SCYL2: variants seen among roughly 807,000 people sequenced by gnomAD.
The protein encoded by SCYL2 is SCY1 like pseudokinase 2, also known as SCY1-like protein 2.
SCYL2 carries 36 observed loss-of-function variants against 100.4 expected under a neutral mutation model. The ratio of observed to expected loss-of-function variants is 0.36; its 90% CI spans 0.27 to 0.47. The LOEUF is 0.47. Among genes scored for constraint, SCYL2 ranks in the 20% least tolerant of loss-of-function variants. The pLI, the probability that SCYL2 is intolerant of heterozygous loss-of-function variation, is 1.00. For synonymous variants in SCYL2, 330 were observed against 359.2 expected (o/e 0.92, Z 0.92); for missense variants, 902 against 1,083.9 (o/e 0.83, Z 2.36).
chr12:100,314,880 A>C (rs1049069626), intron 8 of SCYL2, among the ~76,000 whole-genome samples: 27 of 152,288 alleles, frequency 1.8e-4, no homozygotes, highest in African/African-American at 6.5e-4. Context: ...TCCATAAGCT[A>C]TCATGTGGAG....
intron 1 of SCYL2, among the ~76,000 whole-genome samples, chr12:100,278,453 A>G (rs902415280): frequency 6.6e-6 from 1 of 151,794 alleles, no homozygotes; most frequent in African/African-American, 2.4e-5. Context: ...TCCCATCTCT[A>G]ATAGTTTTTA....
At chr12:100,312,709 AT>A in intron 6 of SCYL2, 56 bp downstream of exon 6, 1 of 1,293,134 alleles carries the variant, frequency 7.7e-7, no homozygotes, top group Non-Finnish European at 1.1e-6. Flanking sequence ...TGTGTCTTTG[AT>A]TTTTTTCCAA....
intron 5 of SCYL2, 24 bp downstream of exon 5, chr12:100,311,217 A>G (rs191474374): frequency 9.5e-6 from 15 of 1,573,374 alleles, no homozygotes; most frequent in Non-Finnish European, 1.3e-5. Flanking sequence ...TAGTCTTCTA[A>G]TTTTTGAGGC....
rs1244414256 is a variant in SCYL2 at position 100,309,850 on chromosome 12, T to C, written c.481-1194T>C. Among the ~76,000 whole-genome samples the C allele has an allele frequency of 1.3e-5, 2 of 152,214 alleles. 1 individual carries two copies. Among genetic ancestry groups the C allele is most frequent in the South Asian group, 4.1e-4 (2 of 4,832 alleles). ...CTATTTTTGGGGGGAACAATTATAC[T>C]GTTTTACATAGCACCTATATTCCCA... On this transcript the variant is annotated intron_variant, in intron 4 of 17. Coordinates refer to ENST00000360820, the MANE Select transcript of SCYL2 (RefSeq NM_017988.6).
chr12:100,283,230 A>C, intron 2 of SCYL2, 83 bp downstream of exon 2: 1 of 1,248,488 alleles, frequency 8.0e-7, no homozygotes, highest in Non-Finnish European at 1.1e-6. Flanking sequence ...TATGTTAAGA[A>C]ATGCCAAAAG....
intron 10 of SCYL2, 131 bp downstream of exon 10, chr12:100,318,056 C>A: frequency 1.3e-6 from 1 of 790,280 alleles, no homozygotes; most frequent in Non-Finnish European, 1.9e-6. Context: ...TCTTTTGAAT[C>A]ACATTATTGA....
chr12:100,306,731 G>A (rs956481030), intron 4 of SCYL2, among the ~76,000 whole-genome samples: 2 of 152,082 alleles, frequency 1.3e-5, no homozygotes, highest in Non-Finnish European at 1.5e-5. Context: ...ATGACATGAT[G>A]GTATATTTAG....
chr12:100,283,024 T>C lies in SCYL2; in HGVS notation c.54T>C (p.Asp18=). ...LKSTVTKVTA[D]VTSAVMGNPV... is the part of the protein sequence containing the mutation. ...GTACTGTTACAAAAGTAACAGCTGA[T>C]GTCACTAGTGCTGTAATGGGAAATC... The change falls in exon 2 of 18, where the codon GAT becomes GAC. Residue 18 remains aspartate (D), a synonymous_variant. Transcript: ENST00000360820. 6.2e-7 allele frequency: 1 copy of C among 1,611,862 alleles called. No homozygotes were observed. The highest frequency in any genetic ancestry group is 8.5e-7 in the Non-Finnish European group (1 of 1,178,364).
At chr12:100,269,382 C>A (rs961963446) in intron 1 of SCYL2, among the ~76,000 whole-genome samples, 2 of 152,126 alleles carry the variant, frequency 1.3e-5, no homozygotes, top group Admixed American at 1.3e-4. Context: ...GGAAGACTTT[C>A]CTGATTAGAA....
At chr12:100,305,194 A>C (rs1481968964) in intron 4 of SCYL2, among the ~76,000 whole-genome samples, 3 of 152,224 alleles carry the variant, frequency 2.0e-5, no homozygotes, top group Non-Finnish European at 4.4e-5. Context: ...AAATCAACAG[A>C]ATATACATTC....
Position 100,339,384 on chromosome 12 carries a change from A to T in SCYL2, c.*212A>T, listed in dbSNP as rs916920305. ...CATTGAGGATTTTTTCCTCTTACCAACTCCTCTTCAGGTTTTTAAAGACCC... is the reference window on the plus strand; with the variant it reads ...CATTGAGGATTTTTTCCTCTTACCATCTCCTCTTCAGGTTTTTAAAGACCC... On this transcript the variant is annotated 3_prime_UTR_variant, in exon 18 of 18. Coordinates refer to ENST00000360820, the MANE Select transcript of SCYL2 (RefSeq NM_017988.6). The T allele has an allele frequency of 3.1e-5, 15 of 489,382 alleles. No individual in the cohort carries two copies. The highest frequency in any genetic ancestry group is 5.3e-5 in the Non-Finnish European group (15 of 282,434). The allele number at this position is 489,382 out of a possible 1,614,324, so 30.3% of individuals were successfully genotyped here. A position where few individuals can be genotyped will look rare whatever the true frequency, so the allele number is the denominator to read the frequency against.
At position 100,315,670 on chromosome 12, in the gene SCYL2, A is replaced by C. The variant is rs769158648; in HGVS notation, c.1208A>C (p.Glu403Ala). 2 of 1,612,584 alleles carry C rather than the reference A, an allele frequency of 1.2e-6. No homozygotes were observed. Among genetic ancestry groups the C allele is most frequent in the Non-Finnish European group, 1.7e-6 (2 of 1,179,114 alleles). ...VLLIAEECTK[E>A]EYVKLILPEL... ...CTTATTGCTGAGGAATGCACCAAAGAAGAATATGTCAAATTAATTCTTCCT... is the reference window on the plus strand; with the variant it reads ...CTTATTGCTGAGGAATGCACCAAAGCAGAATATGTCAAATTAATTCTTCCT... Residue 403 changes from glutamate to alanine, a missense_variant, in exon 9 of 18, where the codon GAA (glutamate) becomes GCA (alanine). Transcript: ENST00000360820.
rs191857878 is a variant in SCYL2 at position 100,290,326 on chromosome 12, C to T, written c.178-1177C>T. ...CCTTATTCACAAATGCTTGGGGGGA[C>T]GTTGTGTTTTAATTGAGTTACAGTG... is the stretch of plus-strand genomic sequence containing the variant. On this transcript the variant is annotated intron_variant, in intron 2 of 17. Transcript: ENST00000360820. 7.3e-4 allele frequency among the ~76,000 whole-genome samples: 111 copies of T among 152,130 alleles called. 2 individuals are homozygous for T. Among genetic ancestry groups the T allele is most frequent in the South Asian group, 3.1e-3 (15 of 4,826 alleles).
chr12:100,293,023 G>A (rs1243291118), intron 3 of SCYL2, among the ~76,000 whole-genome samples: 1 of 152,026 alleles, frequency 6.6e-6, no homozygotes, highest in Non-Finnish European at 1.5e-5. Flanking sequence ...TTTTGTAGAA[G>A]TGGGGTCTTG....
At chr12:100,330,572 A>G (rs955126486) in intron 13 of SCYL2, among the ~76,000 whole-genome samples, 6 of 152,206 alleles carry the variant, frequency 3.9e-5, no homozygotes, top group African/African-American at 1.4e-4. Context: ...ATGAAATATA[A>G]TGGAAAAGAC....
chr12:100,281,853 A>C (rs1358072837), intron 1 of SCYL2, among the ~76,000 whole-genome samples: 1 of 151,980 alleles, frequency 6.6e-6, no homozygotes, highest in Non-Finnish European at 1.5e-5. Context: ...AAAAAAAAGA[A>C]AGTACAAATT....
rs565516741 is a variant in SCYL2 at position 100,322,051 on chromosome 12, A to G, written c.1396-1474A>G. ...TGACAGAGCAAGACTCTCCAAAAAA[A>G]AAAAAAAAAGAAAAAAAAACCCAAG... On this transcript the variant is annotated intron_variant, in intron 10 of 17. Transcript: ENST00000360820. Among the ~76,000 whole-genome samples, 49 of 150,988 alleles carry G rather than the reference A, an allele frequency of 3.2e-4. 1 individual carries two copies. Among genetic ancestry groups the G allele is most frequent in the Non-Finnish European group, 6.5e-4 (44 of 67,766 alleles).
chr12:100,283,073 G>C lies in SCYL2; in HGVS notation c.103G>C (p.Gly35Arg). The part of the protein sequence containing the change: ...GNPVTREFDV[G>R]RHIASGGNGL... ...TCCTGTCACTAGAGAATTTGATGTT[G>C]GTCGACACATTGCCAGTGGTGGCAA... is the stretch of plus-strand genomic sequence containing the variant. Residue 35 changes from glycine to arginine, a missense_variant, in exon 2 of 18, where the codon GGT (glycine) becomes CGT (arginine). Transcript: ENST00000360820. 1.9e-6 allele frequency: 3 copies of C among 1,613,210 alleles called. No homozygotes were observed. Among genetic ancestry groups the C allele is most frequent in the Non-Finnish European group, 2.5e-6 (3 of 1,179,686 alleles).
At chr12:100,333,327 G>T (rs1952234707) in intron 13 of SCYL2, among the ~76,000 whole-genome samples, 1 of 152,150 alleles carries the variant, frequency 6.6e-6, no homozygotes, top group Non-Finnish European at 1.5e-5. Flanking sequence ...TCTGCCATAT[G>T]AGCTCTCTAG....
Sources: allele counts gnomAD v4.1 joint callset (sites outside exome capture counted in the v4.1 genomes callset), GRCh38; gene constraint gnomAD v4.1.1; transcripts MANE v1.5; gene names NCBI Gene and HGNC (gene_info 2026-07-23, HGNC 2026-07-21).